The following ATXN2 variants were observed in gnomAD, a reference collection of about 807,000 sequenced individuals.
The protein encoded by ATXN2 is ataxin-2.
In ATXN2, 37 loss-of-function variants were observed where a neutral mutation model predicts 138.6. That is an observed-to-expected ratio of 0.27 (90% CI 0.21 to 0.35). ATXN2 has a LOEUF of 0.35. ATXN2 is among the 10% of genes least tolerant of loss of function. The pLI is 1.00. For missense variants in ATXN2, 1,216 were observed against 1,480.3 expected, an observed-to-expected ratio of 0.82 and a Z score of 2.93; for synonymous variants, 549 against 543.7, an observed-to-expected ratio of 1.01 and a Z score of -0.13.
At chr12:111,587,921 A>C (rs1209213584) in intron 1 of ATXN2, among the ~76,000 whole-genome samples, 1 of 152,116 alleles carries the variant, frequency 6.6e-6, no homozygotes, top group East Asian at 1.9e-4. Context: ...GGCTGGACAC[A>C]GTGGCTCACA....
intron 5 of ATXN2, among the ~76,000 whole-genome samples, chr12:111,537,761 T>C (rs1054751690): frequency 6.6e-6 from 1 of 152,062 alleles, no homozygotes; most frequent in African/African-American, 2.4e-5. Context: ...GATGAAAATG[T>C]AAATTGATTG....
At chr12:111,592,901 G>T (rs1884748958) in intron 1 of ATXN2, among the ~76,000 whole-genome samples, 1 of 148,814 alleles carries the variant, frequency 6.7e-6, no homozygotes, top group South Asian at 2.1e-4. Flanking sequence ...TTTTGTTCAT[G>T]CTCAACTATT....
intron 1 of ATXN2, among the ~76,000 whole-genome samples, chr12:111,569,184 C>T (rs1014371774): frequency 2.6e-5 from 4 of 152,132 alleles, no homozygotes; most frequent in Non-Finnish European, 4.4e-5. Flanking sequence ...TCCATCACTT[C>T]TCAGCTCTGT....
At chr12:111,574,125 G>C (rs1415013322) in intron 1 of ATXN2, among the ~76,000 whole-genome samples, 1 of 151,392 alleles carries the variant, frequency 6.6e-6, no homozygotes, top group African/African-American at 2.4e-5. Context: ...GGCTAACACA[G>C]TGAAACCTCA....
intron 1 of ATXN2, among the ~76,000 whole-genome samples, chr12:111,560,934 G>A (rs1882647220): frequency 6.6e-6 from 1 of 152,160 alleles, no homozygotes; most frequent in Admixed American, 6.5e-5. Context: ...AGTAAAAGAA[G>A]GTATGATTGG....
intron 1 of ATXN2, among the ~76,000 whole-genome samples, chr12:111,570,221 C>G (rs1476619746): frequency 6.6e-6 from 1 of 151,906 alleles, no homozygotes; most frequent in African/African-American, 2.4e-5. Context: ...TCTCTCCCAA[C>G]GATCTACCCG....
In ATXN2 at chr12:111,569,545, G is replaced by A. The variant is rs867008754; in HGVS notation, c.252-13626C>T. Reference sequence around the variant, plus strand: ...AGCCTGGACAACATGGCGAAATCTCGTCTCTACAGAAAGTTTTAAAAATTA... The same window carrying A: ...AGCCTGGACAACATGGCGAAATCTCATCTCTACAGAAAGTTTTAAAAATTA... On this transcript the variant is annotated intron_variant, in intron 1 of 24. Transcript: ENST00000673436. Among the ~76,000 whole-genome samples the A allele has an allele frequency of 3.9e-5, 6 of 152,120 alleles. No individual in the cohort carries two copies. The South Asian group carries it at 6.2e-4, about 16-fold the overall frequency.
chr12:111,495,080 CA>C (rs1314962628), intron 14 of ATXN2, among the ~76,000 whole-genome samples: 6 of 151,984 alleles, frequency 3.9e-5, no homozygotes, highest in Admixed American at 1.3e-4. Flanking sequence ...CCAAGGCAGG[CA>C]AATCACCTGA....
At chr12:111,584,344 TACATTCTAGCCTTGGTG>T (rs1884192037) in intron 1 of ATXN2, among the ~76,000 whole-genome samples, 1 of 110,236 alleles carries the variant, frequency 9.1e-6, no homozygotes, top group Non-Finnish European at 1.7e-5. Context: ...ACTGCACCAC[TACATTCTAGCCTTGGTG>T]ACAGAGACCC....
intron 1 of ATXN2, among the ~76,000 whole-genome samples, chr12:111,573,093 T>TA (rs1257961131): frequency 6.6e-6 from 1 of 152,042 alleles, no homozygotes; most frequent in Non-Finnish European, 1.5e-5. Flanking sequence ...AACTCACTGA[T>TA]AGAGAACTGC....
rs185049393 is a variant in ATXN2 at position 111,561,677 on chromosome 12, T to A, written c.252-5758A>T. ...GGTGAAACTCCACCTCTACTAAAAC[T>A]ATAAAAATTAGCCACGTGTGGTGGC... On this transcript the variant is annotated intron_variant, in intron 1 of 24. Transcript: ENST00000673436. Among the ~76,000 whole-genome samples, 56 of 151,934 alleles carry A rather than the reference T, an allele frequency of 3.7e-4. 1 individual carries two copies. The highest frequency in any genetic ancestry group is 6.2e-4 in the Non-Finnish European group (42 of 67,938).
intron 18 of ATXN2, among the ~76,000 whole-genome samples, chr12:111,480,487 C>A (rs1877150229): frequency 1.3e-5 from 2 of 152,074 alleles, no homozygotes; most frequent in Admixed American, 6.6e-5. Flanking sequence ...CCAGCCTGAC[C>A]AACACGGTAA....
Position 111,456,840 on chromosome 12 carries a change from C to T in ATXN2, c.3042+374G>A, listed in dbSNP as rs542406107. Among the ~76,000 whole-genome samples, 189 of 152,206 alleles carry T rather than the reference C, an allele frequency of 1.2e-3. 2 individuals carry two copies. Among genetic ancestry groups the T allele is most frequent in the Non-Finnish European group, 4.3e-4 (29 of 68,014 alleles). ...TCTGCTCACTGCAAGCTCCGCCTCC[C>T]GGGTTCACGCCATTCTCCTTCCTCA... On this transcript the variant is annotated intron_variant, in intron 22 of 24. Coordinates refer to ENST00000673436, the MANE Select transcript of ATXN2 (RefSeq NM_001372574.1).
At chr12:111,592,370 GAC>G (rs1884712727) in intron 1 of ATXN2, among the ~76,000 whole-genome samples, 1 of 151,930 alleles carries the variant, frequency 6.6e-6, no homozygotes, top group Non-Finnish European at 1.5e-5. Context: ...CAGCCTGGGC[GAC>G]AGAGACTCTG....
chr12:111,507,276 GC>G (rs1879196421), intron 14 of ATXN2, among the ~76,000 whole-genome samples: 1 of 144,242 alleles, frequency 6.9e-6, no homozygotes, highest in East Asian at 2.1e-4. Context: ...CTGCCCCGCT[GC>G]CCCGTCTGGG....
At chr12:111,462,726 C>T (rs1470392071) in intron 21 of ATXN2, among the ~76,000 whole-genome samples, 1 of 152,002 alleles carries the variant, frequency 6.6e-6, no homozygotes, top group Non-Finnish European at 1.5e-5. Context: ...TAGCTACTTA[C>T]CAGGAAAACA....
At chr12:111,562,974 A>C (rs1882784218) in intron 1 of ATXN2, among the ~76,000 whole-genome samples, 1 of 152,218 alleles carries the variant, frequency 6.6e-6, no homozygotes, top group East Asian at 1.9e-4. Context: ...AAGTGATCAA[A>C]GTTAACAACC....
intron 14 of ATXN2, among the ~76,000 whole-genome samples, chr12:111,503,145 G>T (rs542826315): frequency 6.6e-6 from 1 of 152,174 alleles, no homozygotes; most frequent in Non-Finnish European, 1.5e-5. Flanking sequence ...AACACACAAG[G>T]TATTTCTATT....
Position 111,598,637 on chromosome 12 carries a change from C to A in ATXN2, c.251+147G>T. The A allele has an allele frequency of 7.5e-6, 7 of 931,072 alleles. No individual in the cohort carries two copies. Among genetic ancestry groups the A allele is most frequent in the Non-Finnish European group, 9.0e-6 (7 of 777,942 alleles). 57.7% of individuals were successfully genotyped at this position (931,072 alleles called of 1,614,324 possible). ...TGCGCCCACCGGCCGAGCCTCGGGG[C>A]TCAGGCCCGAGCGAGTCTCCCCCGC... On this transcript the variant is annotated intron_variant, in intron 1 of 24. Transcript: ENST00000673436. The surrounding 1 kb of genome is among the most constrained non-coding windows in gnomAD (Gnocchi z 4.5).
Sources: gnomAD v4.1 joint callset for allele counts (sites outside exome capture counted in the v4.1 genomes callset) on GRCh38, gnomAD v4.1.1 for gene constraint, Gnocchi (gnomAD v3.1) non-coding constraint, MANE v1.5 for transcripts, NCBI Gene and HGNC (gene_info 2026-07-23, HGNC 2026-07-21) for gene names.